EXT2: variants seen among roughly 807,000 people sequenced by gnomAD.
EXT2 encodes exostosin glycosyltransferase 2, also known as exostosin-2.
Under a neutral mutation model 81.6 loss-of-function variants are expected in EXT2, and 53 were observed. That is an observed-to-expected ratio of 0.65 (90% CI 0.52 to 0.82). The LOEUF (loss-of-function observed/expected upper bound fraction) is 0.82, where lower values mean the gene tolerates loss of function less well. EXT2 is among the 40% of genes least tolerant of loss of function. The pLI is 0.00. For synonymous variants in EXT2, 320 were observed against 340.0 expected, an observed-to-expected ratio of 0.94 and a Z score of 0.65; for missense variants, 774 against 910.2, an observed-to-expected ratio of 0.85 and a Z score of 1.93.
chr11:44,097,803 A>G (rs1264178220), intron 1 of EXT2, among the ~76,000 whole-genome samples: 1 of 151,710 alleles, frequency 6.6e-6, no homozygotes, highest in African/African-American at 2.4e-5. Flanking sequence ...TAAATAAAAT[A>G]AAAATAAAAA....
chr11:44,226,865 C>T (rs1312519806), intron 10 of EXT2, among the ~76,000 whole-genome samples: 1 of 152,230 alleles, frequency 6.6e-6, no homozygotes, highest in African/African-American at 2.4e-5. Flanking sequence ...AAGGATTGAC[C>T]AAACTCAGGC....
chr11:44,159,144 T>C (rs1954895989), intron 7 of EXT2, among the ~76,000 whole-genome samples: 1 of 151,642 alleles, frequency 6.6e-6, no homozygotes, highest in Admixed American at 6.6e-5. Flanking sequence ...TCTTCATTTA[T>C]TCTGTTTATT....
intron 8 of EXT2, among the ~76,000 whole-genome samples, chr11:44,174,921 GGAA>G (rs1955137421): frequency 6.6e-6 from 1 of 152,216 alleles, no homozygotes; most frequent in Non-Finnish European, 1.5e-5. Context: ...CAACAGTGAA[GGAA>G]GCTTGGGAGG....
chr11:44,215,102 T>G (rs7105238), intron 10 of EXT2, among the ~76,000 whole-genome samples: 18,384 of 152,208 alleles, frequency 0.12, 1,233 homozygotes, highest in Middle Eastern at 0.19. Flanking sequence ...GTGCTTTTTT[T>G]GTATTTAATT....
At chr11:44,216,546 C>T (rs1308369645) in intron 10 of EXT2, among the ~76,000 whole-genome samples, 7 of 152,092 alleles carry the variant, frequency 4.6e-5, no homozygotes, top group Non-Finnish European at 7.4e-5. Context: ...GATCTTATTT[C>T]GTTCAGGATT....
chr11:44,200,796 G>A (rs1460288467), intron 9 of EXT2, among the ~76,000 whole-genome samples: 1 of 152,172 alleles, frequency 6.6e-6, no homozygotes, highest in Non-Finnish European at 1.5e-5. Context: ...ATAGTGATTG[G>A]CAGGATGGAC....
chr11:44,169,475 A>G (rs1955041382), intron 7 of EXT2, among the ~76,000 whole-genome samples: 1 of 152,132 alleles, frequency 6.6e-6, no homozygotes. Flanking sequence ...ATGTGGAATA[A>G]TAATAAAAAT....
At chr11:44,097,334 C>T (rs913536110) in intron 1 of EXT2, among the ~76,000 whole-genome samples, 3 of 152,088 alleles carry the variant, frequency 2.0e-5, no homozygotes, top group African/African-American at 4.8e-5. Flanking sequence ...GGCATTTAGC[C>T]ATAACATAAC....
intron 9 of EXT2, 194 bp downstream of exon 9, chr11:44,198,212 T>C: frequency 1.6e-6 from 1 of 633,270 alleles, no homozygotes; most frequent in Non-Finnish European, 2.8e-6. Flanking sequence ...GCATACTCTG[T>C]AGCCACAAGT....
chr11:44,099,831 A>G (rs1275031174), intron 1 of EXT2, among the ~76,000 whole-genome samples: 3 of 152,194 alleles, frequency 2.0e-5, no homozygotes, highest in Non-Finnish European at 4.4e-5. Flanking sequence ...ACTGCTTAGT[A>G]AGGGGCTTTT....
chr11:44,151,911 A>G (rs1390509862), intron 7 of EXT2, among the ~76,000 whole-genome samples: 2 of 152,226 alleles, frequency 1.3e-5, no homozygotes, highest in Non-Finnish European at 2.9e-5. Flanking sequence ...TGGCCATTCT[A>G]ATAGATATGT....
At position 44,124,783 on chromosome 11, in the gene EXT2, T is replaced by A. The variant is rs755926713; in HGVS notation, c.744-6T>A. The A allele has an allele frequency of 3.5e-5, 56 of 1,613,884 alleles. No individual in the cohort carries two copies. The Admixed American group carries it at 3.8e-4, about 11-fold the overall frequency. On this transcript the variant is annotated splice_region_variant and splice_polypyrimidine_tract_variant and intron_variant, in intron 4 of 13. Transcript: ENST00000533608. ...TTTTCCAATCACCTGTTTTTTTCCC[T>A]TGTAGTCCACGGCAATACTTCCTCC...
chr11:44,221,622 A>C (rs1037239698), intron 10 of EXT2, among the ~76,000 whole-genome samples: 1 of 152,186 alleles, frequency 6.6e-6, no homozygotes. Context: ...ATTTGTCTTC[A>C]TGGGCTGTTT....
chr11:44,126,872 C>T lies in EXT2; in HGVS notation c.996C>T (p.Ser332=), dbSNP rs142692757. Residue 332 remains serine (S), a synonymous_variant, in exon 6 of 14, where the codon AGC becomes AGT. Transcript: ENST00000533608. ...RGARLGQAVL[S]DVLQAGCVPV... ...CTCGGCTGGGCCAGGCAGTATTGAG[C>T]GATGTGTTACAAGCTGGCTGTGTCC... The T allele has an allele frequency of 3.3e-5, 53 of 1,613,996 alleles. No individual in the cohort carries two copies. The Admixed American group carries it at 6.2e-4, about 19-fold the overall frequency.
At chr11:44,229,253 T>A (rs1253386300) in intron 10 of EXT2, among the ~76,000 whole-genome samples, 1 of 152,206 alleles carries the variant, frequency 6.6e-6, no homozygotes, top group Non-Finnish European at 1.5e-5. Context: ...GTGTTGCTGC[T>A]CTGGGCTCTA....
chr11:44,136,725 A>G (rs1006906637), intron 7 of EXT2, among the ~76,000 whole-genome samples: 1 of 152,178 alleles, frequency 6.6e-6, no homozygotes, highest in Non-Finnish European at 1.5e-5. Context: ...AAAAAATGCC[A>G]AATATTCCCT....
At chr11:44,200,614 C>T (rs571653968) in intron 9 of EXT2, among the ~76,000 whole-genome samples, 9 of 152,282 alleles carry the variant, frequency 5.9e-5, no homozygotes, top group African/African-American at 2.2e-4. Context: ...GGATGGTCAA[C>T]AGGGGAGTAA....
chr11:44,101,716 G>T (rs1286842450), intron 1 of EXT2, among the ~76,000 whole-genome samples: 1 of 152,186 alleles, frequency 6.6e-6, no homozygotes, highest in African/African-American at 2.4e-5. Context: ...CTTAGGAGAT[G>T]TTACTGTGAA....
intron 5 of EXT2, among the ~76,000 whole-genome samples, chr11:44,126,442 T>C (rs1954405401): frequency 6.6e-6 from 1 of 152,190 alleles, no homozygotes; most frequent in Admixed American, 6.5e-5. Flanking sequence ...AGGTAAGTAC[T>C]GTAAGAGATG....
Sources: gnomAD v4.1 joint callset for allele counts (sites outside exome capture counted in the v4.1 genomes callset) on GRCh38, gnomAD v4.1.1 for gene constraint, MANE v1.5 for transcripts, NCBI Gene and HGNC (gene_info 2026-07-23, HGNC 2026-07-21) for gene names.